Variants in CDYL observed in about 807,000 individuals in gnomAD.
CDYL encodes the protein chromodomain Y-like protein.
A neutral mutation model predicts 47.3 loss-of-function variants in CDYL; 8 were observed. That is an observed-to-expected ratio of 0.17 (90% CI 0.10 to 0.31). The LOEUF (loss-of-function observed/expected upper bound fraction) is 0.31, where lower values mean the gene tolerates loss of function less well. CDYL is among the 10% of genes least tolerant of loss of function. The probability of loss-of-function intolerance (pLI) is 1.00; values close to 1 mark genes in which losing one functional copy is unlikely to be tolerated. For missense variants in CDYL, 471 were observed against 701.4 expected (o/e 0.67, Z 3.71); for synonymous variants, 266 against 265.0 (o/e 1.00, Z -0.04).
chr6:4,924,903 A>G (rs1048625664), intron 2 of CDYL, among the ~76,000 whole-genome samples: 2 of 152,244 alleles, frequency 1.3e-5, no homozygotes, highest in Non-Finnish European at 2.9e-5. Context: ...ACAGTAGCAC[A>G]ATTTCAAGTG....
At chr6:4,926,345 C>T (rs1210527706) in intron 2 of CDYL, among the ~76,000 whole-genome samples, 13 of 152,190 alleles carry the variant, frequency 8.5e-5, no homozygotes, top group Non-Finnish European at 1.2e-4. Context: ...AAATATTAAA[C>T]TCCATAAACG....
intron 1 of CDYL, among the ~76,000 whole-genome samples, chr6:4,843,509 C>CT (rs869211505): frequency 0.018 from 2,394 of 130,408 alleles, 100 homozygotes; most frequent in East Asian, 0.099. Flanking sequence ...GAGGCTTTTT[C>CT]TTTTTTTTTT....
At chr6:4,732,219 C>T (rs964823620) in intron 2 of CDYL, among the ~76,000 whole-genome samples, 2 of 152,052 alleles carry the variant, frequency 1.3e-5, no homozygotes, top group Non-Finnish European at 2.9e-5. Context: ...CTTGTAGTTC[C>T]AGCTACTCAG....
chr6:4,790,658 T>G (rs1485961610), intron 1 of CDYL, among the ~76,000 whole-genome samples: 5 of 152,238 alleles, frequency 3.3e-5, no homozygotes, highest in Non-Finnish European at 7.3e-5. Flanking sequence ...TTACCTGTAA[T>G]TTCAAAGGCA....
chr6:4,811,718 G>T, intron 1 of CDYL, among the ~76,000 whole-genome samples: 1 of 148,750 alleles, frequency 6.7e-6, no homozygotes, highest in East Asian at 2.0e-4. Flanking sequence ...TGATCTTCCT[G>T]CCCTGCCTTT....
At chr6:4,917,580 A>G (rs908849124) in intron 2 of CDYL, among the ~76,000 whole-genome samples, 6 of 152,224 alleles carry the variant, frequency 3.9e-5, no homozygotes, top group African/African-American at 1.4e-4. Flanking sequence ...TGTTTCTCTA[A>G]TCTCCGATTT....
Position 4,758,354 on chromosome 6 carries a change from AT to A in CDYL, c.186+23511del, listed in dbSNP as rs1331052577. The stretch of plus-strand genomic sequence containing the variant: ...ACTCATGTCTTGAAAATAAATAAAT[AT>A]ATATATATATATATATCTCTTTGTG... On this transcript the variant is annotated intron_variant, in intron 3 of 8. Coordinates refer to the CDYL transcript ENST00000328908. 2.6e-4 allele frequency among the ~76,000 whole-genome samples: 31 copies of A among 120,828 alleles called. 1 individual carries two copies. Among genetic ancestry groups the A allele is most frequent in the African/African-American group, 1.2e-3 (31 of 25,168 alleles). 79.3% of individuals were successfully genotyped at this position (120,828 alleles called of 152,430 possible). A position where few individuals can be genotyped will look rare whatever the true frequency, so the allele number is the denominator to read the frequency against.
At chr6:4,767,667 T>A (rs1396318390) in intron 3 of CDYL, among the ~76,000 whole-genome samples, 5 of 152,070 alleles carry the variant, frequency 3.3e-5, no homozygotes, top group Admixed American at 3.3e-4. Context: ...TAAATAGGCC[T>A]ACAAAATTCC....
intron 2 of CDYL, among the ~76,000 whole-genome samples, chr6:4,918,944 A>G (rs1289522996): frequency 6.6e-6 from 1 of 152,228 alleles, no homozygotes; most frequent in Non-Finnish European, 1.5e-5. Flanking sequence ...TTGACACAGG[A>G]TTCTTCTACA....
At chr6:4,921,912 G>A (rs1326587323) in intron 2 of CDYL, among the ~76,000 whole-genome samples, 3 of 152,096 alleles carry the variant, frequency 2.0e-5, no homozygotes, top group Non-Finnish European at 4.4e-5. Flanking sequence ...CATTCCCTGG[G>A]AATATTCCTA....
In CDYL at chr6:4,776,694, C is replaced by G. The variant is rs1758461453; in HGVS notation, c.-90C>G. ...CCGCGGGAGCAGGAAGCGCAGGCCA[C>G]GCAGGACCCAACTGAAACAAAGTGT... On this transcript the variant is annotated 5_prime_UTR_variant, in exon 1 of 7. Transcript: ENST00000397588. The G allele has an allele frequency of 1.7e-5, 20 of 1,203,394 alleles. No individual in the cohort carries two copies. Among genetic ancestry groups the G allele is most frequent in the Non-Finnish European group, 2.0e-5 (19 of 927,528 alleles). The allele number at this position is 1,203,394 out of a possible 1,614,324, so 74.5% of individuals were successfully genotyped here.
At chr6:4,763,596 A>G (rs1048224665) in intron 3 of CDYL, among the ~76,000 whole-genome samples, 4 of 152,242 alleles carry the variant, frequency 2.6e-5, no homozygotes, top group African/African-American at 9.6e-5. Flanking sequence ...TACTGTATAT[A>G]TTTTAAAGGA....
At chr6:4,913,849 A>G (rs2127501989) in intron 2 of CDYL, among the ~76,000 whole-genome samples, 1 of 152,362 alleles carries the variant, frequency 6.6e-6, no homozygotes, top group South Asian at 2.1e-4. Flanking sequence ...TTATTCACAA[A>G]AACAGGAAGC....
intron 1 of CDYL, among the ~76,000 whole-genome samples, chr6:4,859,544 C>T (rs1292761591): frequency 6.6e-6 from 1 of 152,128 alleles, no homozygotes; most frequent in African/African-American, 2.4e-5. Context: ...GGGTGGCAGC[C>T]TTGCCTTTGA....
chr6:4,768,896 T>C (rs1758295516), intron 3 of CDYL, among the ~76,000 whole-genome samples: 1 of 152,182 alleles, frequency 6.6e-6, no homozygotes, highest in African/African-American at 2.4e-5. Context: ...GCATTTTACC[T>C]CTGTGGTCTT....
chr6:4,842,251 A>T, intron 1 of CDYL, among the ~76,000 whole-genome samples: 1 of 145,666 alleles, frequency 6.9e-6, no homozygotes. Context: ...AATATAAATA[A>T]AAATAAATAT....
At chr6:4,735,156 C>T (rs574414774) in intron 3 of CDYL, among the ~76,000 whole-genome samples, 1 of 152,138 alleles carries the variant, frequency 6.6e-6, no homozygotes, top group African/African-American at 2.4e-5. Flanking sequence ...CGTGGTGGCG[C>T]ATGCCTGTAA....
intron 2 of CDYL, among the ~76,000 whole-genome samples, chr6:4,931,747 G>A (rs1758039407): frequency 6.6e-6 from 1 of 152,150 alleles, no homozygotes; most frequent in Admixed American, 6.5e-5. Flanking sequence ...GGTCGCTGAA[G>A]CTCCAACAAG....
At chr6:4,723,491 A>C (rs769392325) in intron 2 of CDYL, among the ~76,000 whole-genome samples, 4 of 152,110 alleles carry the variant, frequency 2.6e-5, no homozygotes, top group South Asian at 2.1e-4. Context: ...GAAAACAATG[A>C]ACAGAGAAGC....
Sources: allele counts gnomAD v4.1 joint callset (sites outside exome capture counted in the v4.1 genomes callset), GRCh38; gene constraint gnomAD v4.1.1; transcripts MANE v1.5; gene names NCBI Gene and HGNC (gene_info 2026-07-23, HGNC 2026-07-21).